The following TARS3 variants were observed in gnomAD, a reference collection of about 807,000 sequenced individuals.
The protein encoded by TARS3 is threonyl-tRNA synthetase 3.
Under a neutral mutation model 103.5 loss-of-function variants are expected in TARS3, and 94 were observed. That is an observed-to-expected ratio of 0.91 (90% CI 0.77 to 1.08). The LOEUF is 1.08. Ranked by LOEUF, TARS3 falls within the 50% of genes least tolerant of loss-of-function variation. The pLI, the probability that TARS3 is intolerant of heterozygous loss-of-function variation, is 0.00. For missense variants in TARS3, 952 were observed against 995.2 expected, an observed-to-expected ratio of 0.96 and a Z score of 0.58; for synonymous variants, 416 against 355.4, an observed-to-expected ratio of 1.17 and a Z score of -1.92.
chr15:101,699,860 C>T (rs1030717920), intron 10 of TARS3, among the ~76,000 whole-genome samples: 1 of 152,068 alleles, frequency 6.6e-6, no homozygotes, highest in African/African-American at 2.4e-5. Flanking sequence ...AGAAAGTGAT[C>T]CCCAAATGAG....
At chr15:101,669,775 C>T (rs559830369) in intron 15 of TARS3, among the ~76,000 whole-genome samples, 1 of 152,320 alleles carries the variant, frequency 6.6e-6, no homozygotes, top group Admixed American at 6.5e-5. Flanking sequence ...TAGGCTCTAC[C>T]ACCCAGGTTT....
Position 101,714,954 on chromosome 15 carries a change from CAGTTCCTG to C in TARS3, c.568_575del (p.Gln190GlyfsTer2). On this transcript the variant is annotated frameshift_variant and splice_region_variant, in exon 4 of 19. Transcript: ENST00000335968. LOFTEE classifies it high-confidence loss of function. ...CTTTGGCTATTACCGTGCTTTCAGCCAGTTCCTGACTAAGAAGACAAAAGCCACTTGGG... is the reference window on the plus strand; with the variant it reads ...CTTTGGCTATTACCGTGCTTTCAGCCACTAAGAAGACAAAAGCCACTTGGG... 1 of 1,607,810 alleles carries C rather than the reference CAGTTCCTG, an allele frequency of 6.2e-7. No individual in the cohort carries two copies. The highest frequency in any genetic ancestry group is 2.2e-5 in the East Asian group (1 of 44,720).
intron 18 of TARS3, among the ~76,000 whole-genome samples, chr15:101,656,256 G>C (rs1897195338): frequency 1.3e-5 from 2 of 152,220 alleles, no homozygotes; most frequent in African/African-American, 4.8e-5. Flanking sequence ...AAGCCTGACT[G>C]AAACAGCACA....
chr15:101,668,493 T>C (rs539365387), intron 15 of TARS3, among the ~76,000 whole-genome samples: 19 of 152,102 alleles, frequency 1.2e-4, no homozygotes, highest in African/African-American at 7.2e-5. Context: ...CCATAACAGA[T>C]AGAATAATAA....
At chr15:101,706,232 C>A (rs1899553892) in intron 6 of TARS3, among the ~76,000 whole-genome samples, 1 of 152,186 alleles carries the variant, frequency 6.6e-6, no homozygotes, top group African/African-American at 2.4e-5. Context: ...TAGTGATCCG[C>A]CTGCCTTGGC....
chr15:101,655,129 T>C (rs113494125), intron 18 of TARS3, among the ~76,000 whole-genome samples: 144 of 122,946 alleles, frequency 1.2e-3, no homozygotes, highest in Middle Eastern at 9.4e-3. Context: ...GGCACTAGGG[T>C]GCAAATGAGA....
chr15:101,701,361 G>A lies in TARS3; in HGVS notation c.1222-177C>T, dbSNP rs1899266093. Among the ~76,000 whole-genome samples the A allele has an allele frequency of 2.0e-5, 3 of 152,190 alleles. No individual in the cohort carries two copies. The South Asian group carries it at 6.2e-4, about 31-fold the overall frequency. ...ATGTAAAATTTCCAATCATATTTAT[G>A]CCTAATTAGCTTTGAACTTAGCTTT... On this transcript the variant is annotated intron_variant, in intron 9 of 18. Transcript: ENST00000335968.
At chr15:101,661,086 G>GCAAAAAGGACCACAGGATGCACCACT (rs1897356952) in intron 16 of TARS3, among the ~76,000 whole-genome samples, 1 of 36,304 alleles carries the variant, frequency 2.8e-5, no homozygotes, top group Non-Finnish European at 7.4e-5. Flanking sequence ...TTCCTTCCGG[G>GCAAAAAGGACCACAGGATGCACCACT]CAAAAAGGAC....
At chr15:101,699,357 T>G in intron 10 of TARS3, 1 of 455,602 alleles carries the variant, frequency 2.2e-6, no homozygotes, top group East Asian at 7.0e-5. Context: ...ACTGGGTTTG[T>G]GCATTTAAGT....
At chr15:101,719,218 C>T (rs1242112326) in intron 3 of TARS3, among the ~76,000 whole-genome samples, 2 of 147,714 alleles carry the variant, frequency 1.4e-5, no homozygotes, top group East Asian at 3.8e-4. Flanking sequence ...TCTCCTCCTT[C>T]TTTTTTCCAA....
chr15:101,713,273 C>T (rs1567355440), intron 4 of TARS3, among the ~76,000 whole-genome samples: 1 of 152,000 alleles, frequency 6.6e-6, no homozygotes, highest in African/African-American at 2.4e-5. Flanking sequence ...GTGACTAACA[C>T]GTAGGGGATG....
At chr15:101,705,427 A>T (rs1899507434) in intron 7 of TARS3, among the ~76,000 whole-genome samples, 1 of 152,244 alleles carries the variant, frequency 6.6e-6, no homozygotes, top group Admixed American at 6.5e-5. Context: ...TCCCAACAGT[A>T]TCACTCACAT....
intron 15 of TARS3, among the ~76,000 whole-genome samples, chr15:101,671,161 AC>A (rs1255631562): frequency 2.6e-5 from 4 of 152,150 alleles, no homozygotes; most frequent in Non-Finnish European, 5.9e-5. Flanking sequence ...TTTCAAGAAA[AC>A]ATCTCATCCT....
At chr15:101,723,855 T>C (rs1053818956) in intron 1 of TARS3, among the ~76,000 whole-genome samples, 21 of 152,224 alleles carry the variant, frequency 1.4e-4, no homozygotes, top group African/African-American at 5.1e-4. Context: ...GGCTCTTTAA[T>C]GGACGAATTG....
chr15:101,685,975 G>C lies in TARS3; in HGVS notation c.1408C>G (p.His470Asp). ...AAGGTAAACATGTTCTCGCTGTAAT[G>C]CTGCCAGTGGCCTGAGGCTTCCCAG... ...KLWEASGHWQHYSENMFTFEI... is the reference protein window; with the variant it reads ...KLWEASGHWQDYSENMFTFEI... Residue 470 changes from histidine (H) to aspartate (D), a missense_variant, in exon 11 of 19, where the codon CAT becomes GAT. His to Asp is a moderately conservative substitution (Grantham distance 81, BLOSUM62 -1). This residue lies in a region of TARS3 where 540 missense variants were observed against 631.0 expected (regional missense o/e 0.86). Transcript: ENST00000335968. 1 of 1,614,048 alleles carries C rather than the reference G, an allele frequency of 6.2e-7. No homozygotes were observed. The highest frequency in any genetic ancestry group is 1.1e-5 in the South Asian group (1 of 91,078).
intron 4 of TARS3, chr15:101,714,605 CAAAAAAA>C (rs35014693): frequency 0.013 from 1,024 of 77,720 alleles, 4 homozygotes; most frequent in Admixed American, 0.017. Context: ...GACTCCATCT[CAAAAAAA>C]AAAAAAAAAA....
chr15:101,719,220 T>C (rs370361386), intron 3 of TARS3, among the ~76,000 whole-genome samples: 38 of 152,328 alleles, frequency 2.5e-4, no homozygotes, highest in Admixed American at 5.9e-4. Context: ...TCCTCCTTCT[T>C]TTTTCCAAGC....
rs935072318 is a variant in TARS3, at chr15:101,705,839, T to G, written c.931-92A>C. On this transcript the variant is annotated intron_variant, in intron 6 of 18. Transcript: ENST00000335968. Reference sequence around the variant, plus strand: ...TTCTTCAAGAAACATTGAAAGGTCATCTACTGATGTTCTAGGTGCTGAGAC... The same window carrying G: ...TTCTTCAAGAAACATTGAAAGGTCAGCTACTGATGTTCTAGGTGCTGAGAC... The G allele has an allele frequency of 3.8e-6, 4 of 1,053,032 alleles. No individual in the cohort carries two copies. The African/African-American group carries it at 6.3e-5, about 17-fold the overall frequency. 65.2% of individuals were successfully genotyped at this position (1,053,032 alleles called of 1,614,324 possible). A position where few individuals can be genotyped will look rare whatever the true frequency, so the allele number is the denominator to read the frequency against.
At chr15:101,697,550 T>C (rs950044762) in intron 10 of TARS3, among the ~76,000 whole-genome samples, 1 of 152,160 alleles carries the variant, frequency 6.6e-6, no homozygotes, top group Admixed American at 6.5e-5. Flanking sequence ...AGAGGAAATA[T>C]AAAGCCACCA....
Sources: allele counts gnomAD v4.1 joint callset (sites outside exome capture counted in the v4.1 genomes callset), GRCh38; gene constraint gnomAD v4.1.1; regional missense constraint gnomAD v4.1.1; transcripts MANE v1.5; gene names NCBI Gene and HGNC (gene_info 2026-07-23, HGNC 2026-07-21).